The following EIF4G3 variants were observed in gnomAD, a reference collection of about 807,000 sequenced individuals.
EIF4G3 encodes eIF-4-gamma 3.
EIF4G3 carries 34 observed loss-of-function variants against 186.4 expected under a neutral mutation model. The ratio of observed to expected loss-of-function variants is 0.18; its 90% confidence interval spans 0.14 to 0.24. EIF4G3 has a LOEUF of 0.24. EIF4G3 is among the 10% of genes least tolerant of loss of function. The pLI is 1.00. For missense variants in EIF4G3, 1,536 were observed against 1,948.5 expected, an observed-to-expected ratio of 0.79 and a Z score of 3.99; for synonymous variants, 673 against 679.5, an observed-to-expected ratio of 0.99 and a Z score of 0.15.
At chr1:20,833,624 C>A (rs2065920987) in intron 30 of EIF4G3, among the ~76,000 whole-genome samples, 1 of 152,090 alleles carries the variant, frequency 6.6e-6, no homozygotes, top group Admixed American at 6.6e-5. Flanking sequence ...ATTGCCCTGG[C>A]CAGAACTTCC....
At chr1:21,112,502 C>A (rs908044752) in intron 2 of EIF4G3, among the ~76,000 whole-genome samples, 3 of 151,948 alleles carry the variant, frequency 2.0e-5, no homozygotes, top group South Asian at 2.1e-4. Context: ...TTCCTAAATT[C>A]AATTAAAATG....
At chr1:21,052,600 CT>C (rs2094292536) in intron 3 of EIF4G3, among the ~76,000 whole-genome samples, 1 of 152,210 alleles carries the variant, frequency 6.6e-6, no homozygotes, top group Non-Finnish European at 1.5e-5. Context: ...CTCCCTCTCC[CT>C]CTCTTTCCAC....
At chr1:21,169,819 T>C (rs919952351) in intron 2 of EIF4G3, 3 of 152,204 alleles carry the variant, frequency 2.0e-5, no homozygotes, top group Non-Finnish European at 4.4e-5. Context: ...TGTGATGCCA[T>C]CTATATTAAT....
At chr1:20,916,782 T>G (rs753099804) in intron 14 of EIF4G3, among the ~76,000 whole-genome samples, 1 of 151,994 alleles carries the variant, frequency 6.6e-6, no homozygotes, top group African/African-American at 2.4e-5. Context: ...TTGAAAAAAA[T>G]AGAGAATCCA....
intron 3 of EIF4G3, among the ~76,000 whole-genome samples, chr1:21,052,367 T>C (rs539389767): frequency 1.3e-5 from 2 of 152,308 alleles, no homozygotes; most frequent in South Asian, 2.1e-4. Flanking sequence ...GAAGTCATTC[T>C]CCTTAAGGAA....
In EIF4G3 at chr1:21,001,908, G is replaced by T. The variant is rs193271435; in HGVS notation, c.31-596C>A. On this transcript the variant is annotated intron_variant, in intron 5 of 36. Transcript: ENST00000602326. Reference sequence around the variant, plus strand: ...TCCTGCACTCCAGGCAAAAAGGCAGGGGCAGGGAACAAAAAGATATCCCTG... The same window carrying T: ...TCCTGCACTCCAGGCAAAAAGGCAGTGGCAGGGAACAAAAAGATATCCCTG... Among the ~76,000 whole-genome samples the T allele has an allele frequency of 2.6e-5, 4 of 152,258 alleles. No homozygotes were observed. In the East Asian group the frequency reaches 7.7e-4, roughly 29 times the overall value.
At chr1:21,014,958 T>C (rs1457040615) in intron 4 of EIF4G3, among the ~76,000 whole-genome samples, 1 of 151,502 alleles carries the variant, frequency 6.6e-6, no homozygotes, top group East Asian at 1.9e-4. Context: ...TTTTAAACTG[T>C]CCTAAATACA....
chr1:20,862,465 G>C, intron 22 of EIF4G3, 133 bp from the exon 23 acceptor site: 1 of 566,116 alleles, frequency 1.8e-6, no homozygotes. Context: ...GCCCAGGCTG[G>C]AGTGCAGTAG....
chr1:20,979,035 A>G (rs1056736197), intron 10 of EIF4G3, among the ~76,000 whole-genome samples: 8 of 152,304 alleles, frequency 5.3e-5, no homozygotes, highest in Non-Finnish European at 7.4e-5. Flanking sequence ...AGATTATTTA[A>G]TAAGTTTTTG....
intron 3 of EIF4G3, among the ~76,000 whole-genome samples, chr1:21,054,331 G>GCGGAAGGC (rs56368046): frequency 0.13 from 11,629 of 90,632 alleles, 1,366 homozygotes; most frequent in Middle Eastern, 0.23. Context: ...CACAAACACT[G>GCGGAAGGC]CGGAAGGCCG....
intron 18 of EIF4G3, among the ~76,000 whole-genome samples, chr1:20,888,271 G>GA (rs942545850): frequency 2.4e-4 from 37 of 151,712 alleles, no homozygotes; most frequent in African/African-American, 7.5e-4. Flanking sequence ...TGCTTCAAAG[G>GA]AAAAAAAACT....
intron 19 of EIF4G3, among the ~76,000 whole-genome samples, chr1:20,879,725 T>C (rs1246051320): frequency 6.6e-6 from 1 of 152,186 alleles, no homozygotes; most frequent in Non-Finnish European, 1.5e-5. Context: ...AGGAGAATTC[T>C]AGAAATAGGT....
intron 10 of EIF4G3, among the ~76,000 whole-genome samples, chr1:20,978,768 G>T (rs66824106): frequency 0.027 from 4,161 of 151,796 alleles, 87 homozygotes; most frequent in Non-Finnish European, 0.038. Flanking sequence ...ATTCCCTGAG[G>T]ATAAGTGAAG....
intron 2 of EIF4G3, among the ~76,000 whole-genome samples, chr1:21,118,931 TAA>T (rs35040627): frequency 0.28 from 24,441 of 86,668 alleles, 3,335 homozygotes; most frequent in East Asian, 0.4. Context: ...CAAGCTCTAT[TAA>T]AAAAAAAAAA....
At chr1:20,925,752 G>T (rs770476307) in intron 14 of EIF4G3, among the ~76,000 whole-genome samples, 1 of 152,198 alleles carries the variant, frequency 6.6e-6, no homozygotes, top group Non-Finnish European at 1.5e-5. Flanking sequence ...GGCTGATCAT[G>T]AACTCTGGGC....
intron 2 of EIF4G3, among the ~76,000 whole-genome samples, chr1:21,135,712 T>G (rs529578601): frequency 6.6e-6 from 1 of 152,166 alleles, no homozygotes; most frequent in South Asian, 2.1e-4. Context: ...AACTCCCAAT[T>G]TGTAGAATAA....
chr1:20,966,686 G>A (rs915797524), intron 12 of EIF4G3, among the ~76,000 whole-genome samples: 1 of 151,884 alleles, frequency 6.6e-6, no homozygotes, highest in African/African-American at 2.4e-5. Flanking sequence ...GTTGGCTAGG[G>A]TGGTTTCGAA....
intron 2 of EIF4G3, among the ~76,000 whole-genome samples, chr1:21,157,404 CTT>C (rs1475349787): frequency 4.0e-5 from 6 of 151,798 alleles, no homozygotes; most frequent in African/African-American, 1.5e-4. Context: ...ATCTTGCTCT[CTT>C]TCTTACCCAG....
At chr1:21,074,989 T>C (rs543222140) in intron 3 of EIF4G3, among the ~76,000 whole-genome samples, 1 of 151,490 alleles carries the variant, frequency 6.6e-6, no homozygotes, top group South Asian at 2.1e-4. Context: ...TGGGAAAGTA[T>C]AAAACTCACT....
Sources: allele counts gnomAD v4.1 joint callset (sites outside exome capture counted in the v4.1 genomes callset), GRCh38; gene constraint gnomAD v4.1.1; transcripts MANE v1.5; gene names NCBI Gene and HGNC (gene_info 2026-07-23, HGNC 2026-07-21).